STRN3: variants seen among roughly 807,000 people sequenced by gnomAD.
The protein encoded by STRN3 is striatin 3.
STRN3 carries 29 observed loss-of-function variants against 95.6 expected under a neutral mutation model. The observed-to-expected ratio is 0.30, with a 90% confidence interval of 0.23 to 0.41. The LOEUF (loss-of-function observed/expected upper bound fraction) is 0.41, where lower values mean the gene tolerates loss of function less well. Among genes scored for constraint, STRN3 ranks in the 10% least tolerant of loss-of-function variants. STRN3 has a pLI of 1.00. For missense variants in STRN3, 890 were observed against 972.1 expected, an observed-to-expected ratio of 0.92 and a Z score of 1.12; for synonymous variants, 331 against 357.6, an observed-to-expected ratio of 0.93 and a Z score of 0.84.
intron 1 of STRN3, among the ~76,000 whole-genome samples, chr14:31,020,118 C>T (rs907938371): frequency 2.0e-4 from 30 of 151,974 alleles, no homozygotes; most frequent in Admixed American, 1.9e-3. Flanking sequence ...TAGGTATTCC[C>T]GATACTTCAG....
chr14:30,996,730 G>A (rs1419029414), intron 1 of STRN3, among the ~76,000 whole-genome samples: 1 of 152,140 alleles, frequency 6.6e-6, no homozygotes, highest in Non-Finnish European at 1.5e-5. Flanking sequence ...GCTGGGTGTG[G>A]TGGTGTGCAC....
chr14:31,007,460 TAAAAC>T (rs1232205106), intron 1 of STRN3, among the ~76,000 whole-genome samples: 1 of 152,036 alleles, frequency 6.6e-6, no homozygotes, highest in African/African-American at 2.4e-5. Flanking sequence ...TAACTCCAAA[TAAAAC>T]AAAATATGCA....
intron 1 of STRN3, among the ~76,000 whole-genome samples, chr14:31,000,816 C>A (rs1882412860): frequency 1.3e-5 from 2 of 149,684 alleles, no homozygotes; most frequent in African/African-American, 2.5e-5. Flanking sequence ...TGGCACACAG[C>A]AGGGGCTAAA....
At chr14:30,968,755 GAAA>G (rs144072934) in intron 1 of STRN3, among the ~76,000 whole-genome samples, 1 of 150,366 alleles carries the variant, frequency 6.7e-6, no homozygotes, top group Non-Finnish European at 1.5e-5. Flanking sequence ...AAGTTGTGGA[GAAA>G]AAAAAGGTTA....
intron 7 of STRN3, among the ~76,000 whole-genome samples, chr14:30,933,926 A>G (rs755128477): frequency 5.3e-5 from 8 of 152,232 alleles, no homozygotes; most frequent in Non-Finnish European, 8.8e-5. Flanking sequence ...CACATAAATG[A>G]GGCATCTTTT....
At position 30,935,846 on chromosome 14, in the gene STRN3, G is replaced by A. The variant is rs186558773; in HGVS notation, c.847-542C>T. Among the ~76,000 whole-genome samples, 19 of 152,258 alleles carry A rather than the reference G, an allele frequency of 1.2e-4. No homozygotes were observed. The East Asian group carries it at 3.7e-3, about 29-fold the overall frequency. On this transcript the variant is annotated intron_variant, in intron 6 of 17. Transcript: ENST00000357479. ...CTGAAAACTGATTTTGTAGACCAGA[G>A]ACTTTTGTGGAACACTGTCATTTTT... is the stretch of plus-strand genomic sequence containing the variant.
At chr14:30,977,000 G>A (rs1454097940) in intron 1 of STRN3, among the ~76,000 whole-genome samples, 2 of 150,482 alleles carry the variant, frequency 1.3e-5, no homozygotes, top group Non-Finnish European at 1.5e-5. Context: ...CGAGGCAGGC[G>A]GATCACATGA....
chr14:30,926,514 T>C (rs963277752), intron 8 of STRN3, among the ~76,000 whole-genome samples: 11 of 151,930 alleles, frequency 7.2e-5, no homozygotes, highest in Non-Finnish European at 1.5e-4. Context: ...TTTATAGTTT[T>C]TCTTTATATT....
chr14:30,931,124 A>T (rs1271712748), intron 7 of STRN3, among the ~76,000 whole-genome samples: 1 of 152,178 alleles, frequency 6.6e-6, no homozygotes, highest in Non-Finnish European at 1.5e-5. Context: ...AAGGAAAAAA[A>T]TATTACTTGC....
At chr14:30,904,075 T>C (rs1896397202) in intron 15 of STRN3, among the ~76,000 whole-genome samples, 2 of 152,308 alleles carry the variant, frequency 1.3e-5, no homozygotes, top group African/African-American at 4.8e-5. Flanking sequence ...CCAGGAGCCA[T>C]GAAGACCATG....
At chr14:30,901,302 T>A (rs554929818) in intron 16 of STRN3, among the ~76,000 whole-genome samples, 4 of 152,032 alleles carry the variant, frequency 2.6e-5, no homozygotes, top group East Asian at 1.9e-4. Flanking sequence ...ATTTAAATAT[T>A]TTTTTTAAAA....
chr14:31,025,651 TA>T, intron 1 of STRN3: 1 of 565,282 alleles, frequency 1.8e-6, no homozygotes, highest in Non-Finnish European at 3.0e-6. Context: ...GACGCCATAC[TA>T]AAAGCCAAAA....
At chr14:31,025,880 C>G (rs375051003) in intron 1 of STRN3, 24 bp downstream of exon 1, 113 of 1,590,572 alleles carry the variant, frequency 7.1e-5, no homozygotes, top group Non-Finnish European at 8.8e-5. Flanking sequence ...CCGCAGCTCC[C>G]GCACACCGAC....
chr14:31,012,001 G>A (rs1882992050), intron 1 of STRN3, among the ~76,000 whole-genome samples: 1 of 151,970 alleles, frequency 6.6e-6, no homozygotes, highest in South Asian at 2.1e-4. Flanking sequence ...AGAATCGCTT[G>A]AATCCAGGAG....
intron 1 of STRN3, among the ~76,000 whole-genome samples, chr14:30,990,858 A>G (rs1881920288): frequency 6.6e-6 from 1 of 152,196 alleles, no homozygotes; most frequent in African/African-American, 2.4e-5. Context: ...TTAGGGAATA[A>G]TGACAAAGAA....
rs1352412195 is a variant in STRN3 at position 30,955,626 on chromosome 14, C to T, written c.454G>A (p.Glu152Lys). The T allele has an allele frequency of 6.4e-7, 1 of 1,571,308 alleles. No homozygotes were observed. The highest frequency in any genetic ancestry group is 2.0e-5 in the Admixed American group (1 of 49,624). ...NQGDLKMPTF[E>K]SEETKDTEAP... is the part of the protein sequence containing the mutation. ...ACAGAAGAAGCAAGTTTACCTGACT[C>T]AAAGGTTGGCATTTTCAAGTCACCT... is the stretch of plus-strand genomic sequence containing the variant. The change falls in exon 3 of 18, where the codon GAG (glutamate) becomes AAG (lysine). Residue 152 changes from glutamate to lysine, a missense_variant. By Grantham distance (56) the Glu-to-Lys change is moderately conservative. Coordinates refer to ENST00000357479, the MANE Select transcript of STRN3 (RefSeq NM_001083893.2).
At chr14:30,930,158 T>G (rs980997988) in intron 7 of STRN3, among the ~76,000 whole-genome samples, 4 of 152,142 alleles carry the variant, frequency 2.6e-5, no homozygotes, top group Admixed American at 6.5e-5. Context: ...AATTTACTCA[T>G]AGTCAACTAG....
intron 1 of STRN3, among the ~76,000 whole-genome samples, chr14:30,979,096 TAAAC>T (rs907542423): frequency 7.8e-6 from 1 of 128,014 alleles, no homozygotes; most frequent in African/African-American, 3.0e-5. Flanking sequence ...ACAAGATTAA[TAAAC>T]AAAAGTCTGT....
At chr14:30,966,622 AAGG>A (rs1259715104) in intron 1 of STRN3, among the ~76,000 whole-genome samples, 1 of 152,168 alleles carries the variant, frequency 6.6e-6, no homozygotes, top group Non-Finnish European at 1.5e-5. Flanking sequence ...CAGGCCAAGG[AAGG>A]AGAAGCCGCA....
Sources: gnomAD v4.1 joint callset for allele counts (sites outside exome capture counted in the v4.1 genomes callset) on GRCh38, gnomAD v4.1.1 for gene constraint, MANE v1.5 for transcripts, NCBI Gene and HGNC (gene_info 2026-07-23, HGNC 2026-07-21) for gene names.